SPINDOC: variants seen among roughly 807,000 people sequenced by gnomAD.
SPINDOC encodes spindlin interactor and repressor of chromatin binding.
A neutral mutation model predicts 30.7 loss-of-function variants in SPINDOC; 13 were observed. That is an observed-to-expected ratio of 0.42 (90% CI 0.28 to 0.67). The LOEUF is 0.67. Ranked by LOEUF, SPINDOC falls within the 30% of genes least tolerant of loss-of-function variation. SPINDOC has a pLI of 0.22. For missense variants in SPINDOC, 438 were observed against 518.0 expected (o/e 0.85, Z 1.50); for synonymous variants, 228 against 211.4 (o/e 1.08, Z -0.68).
intron 5 of SPINDOC, among the ~76,000 whole-genome samples, chr11:63,823,878 G>C (rs1454077539): frequency 6.7e-6 from 1 of 148,738 alleles, no homozygotes; most frequent in Non-Finnish European, 1.5e-5. Context: ...GATTACAGGC[G>C]TGAGCCACTG....
chr11:63,820,367 C>T (rs1453535345), intron 5 of SPINDOC, among the ~76,000 whole-genome samples: 18 of 143,280 alleles, frequency 1.3e-4, no homozygotes, highest in African/African-American at 3.2e-4. Context: ...CACTGCACTC[C>T]AGCCTGGGCA....
chr11:63,823,167 A>C, intron 5 of SPINDOC: 1 of 1,288,988 alleles, frequency 7.8e-7, no homozygotes, highest in Non-Finnish European at 1.0e-6. Flanking sequence ...ATCTTTAAAA[A>C]CCAGGGGCCC....
At chr11:63,821,065 A>T (rs2015507631) in intron 5 of SPINDOC, among the ~76,000 whole-genome samples, 1 of 151,980 alleles carries the variant, frequency 6.6e-6, no homozygotes, top group African/African-American at 2.4e-5. Context: ...ACAAAACAAA[A>T]CCCAAATTTA....
At chr11:63,825,617 G>A (rs2015637387) in intron 5 of SPINDOC, among the ~76,000 whole-genome samples, 1 of 152,170 alleles carries the variant, frequency 6.6e-6, no homozygotes. Flanking sequence ...TGGGCATATA[G>A]TACTCAATAA....
Position 63,813,479 on chromosome 11 carries a change from C to A in SPINDOC, c.-208C>A. The A allele has an allele frequency of 5.3e-6, 1 of 188,460 alleles. No homozygotes were observed. The highest frequency in any genetic ancestry group is 9.7e-6 in the Non-Finnish European group (1 of 103,370). 11.7% of individuals were successfully genotyped at this position (188,460 alleles called of 1,614,324 possible). ...CCGGATTGAGCCCTCCCCGCCCGGG[C>A]TCCCGACGCGCCGAGGTCTCGGGGA... On this transcript the variant is annotated 5_prime_UTR_variant, in exon 1 of 6. Transcript: ENST00000294244.
Position 63,818,527 on chromosome 11 carries a change from C to G in SPINDOC, c.608C>G (p.Ala203Gly). Residue 203 changes from alanine (A) to glycine (G), a missense_variant and splice_region_variant, in exon 4 of 6, where the codon GCT becomes GGT. Around this residue, in one of 3 missense-constraint regions of SPINDOC, gnomAD observed 300 missense variants for 332.8 expected, o/e 0.90. Coordinates refer to ENST00000294244, the MANE Select transcript of SPINDOC (RefSeq NM_138471.3). This position sits in a 1 kb window ranked among gnomAD's most constrained non-coding sequence, Gnocchi z 5.3. The stretch of plus-strand genomic sequence containing the variant: ...GGTATGAGGTCTTTTCTTTTTGCAG[C>G]TGTCCCTGCCACAGAGCCAGGAAAT... ...PRGLRPLELP[A>G]VPATEPGNKK... is the part of the protein sequence containing the mutation. 1 of 1,611,134 alleles carries G rather than the reference C, an allele frequency of 6.2e-7. No homozygotes were observed. Among genetic ancestry groups the G allele is most frequent in the Non-Finnish European group, 8.5e-7 (1 of 1,179,800 alleles).
chr11:63,813,869 C>A lies in SPINDOC; in HGVS notation c.127+56C>A, dbSNP rs946073879. The A allele has an allele frequency of 2.1e-6, 3 of 1,431,446 alleles. No homozygotes were observed. In the Admixed American group the frequency reaches 7.7e-5, roughly 37 times the overall value. The allele number at this position is 1,431,446 out of a possible 1,614,324, so 88.7% of individuals were successfully genotyped here. A position where few individuals can be genotyped will look rare whatever the true frequency, so the allele number is the denominator to read the frequency against. ...CACGGTGCGGGGCCGGGGCTGGGGC[C>A]GTCCCTCCCCAGTCGGGGTCCGGGA... On this transcript the variant is annotated intron_variant, in intron 1 of 5. Transcript: ENST00000294244.
In SPINDOC at chr11:63,813,645, C is replaced by G. The variant is rs1302228468; in HGVS notation, c.-42C>G. 1 of 1,485,464 alleles carries G rather than the reference C, an allele frequency of 6.7e-7. No individual in the cohort carries two copies. Among genetic ancestry groups the G allele is most frequent in the Admixed American group, 2.4e-5 (1 of 42,482 alleles). The allele number at this position is 1,485,464 out of a possible 1,614,324, so 92.0% of individuals were successfully genotyped here. On this transcript the variant is annotated 5_prime_UTR_variant, in exon 1 of 6. Transcript: ENST00000294244. ...GTTGCCGGCTGCGCGCCGAAGCCTG[C>G]GCGCCAGTCCTCCGGCCACTGCTAT... is the stretch of plus-strand genomic sequence containing the variant.
At chr11:63,813,944 CG>C (rs2015267940) in intron 1 of SPINDOC, 131 bp downstream of exon 1, 1 of 1,207,360 alleles carries the variant, frequency 8.3e-7, no homozygotes, top group African/African-American at 1.6e-5. Context: ...GTTTCCCTCT[CG>C]GATCTGGGTC....
intron 5 of SPINDOC, among the ~76,000 whole-genome samples, chr11:63,824,650 C>T (rs1383387075): frequency 6.6e-6 from 1 of 152,022 alleles, no homozygotes; most frequent in Non-Finnish European, 1.5e-5. Context: ...CTGCTCCTTC[C>T]TGGTTCCATC....
rs369239014 is a variant in SPINDOC at position 63,818,668 on chromosome 11, G to A, written c.733+16G>A. The A allele has an allele frequency of 4.3e-5, 69 of 1,612,856 alleles. No homozygotes were observed. The highest frequency in any genetic ancestry group is 1.7e-4 in the Middle Eastern group (1 of 5,996). Reference sequence around the variant, plus strand: ...CCTGACCCAGGTGAAGGGGAGGCCCGGGGGAGGCGTGGGCTCTGGCCGCAG... The same window carrying A: ...CCTGACCCAGGTGAAGGGGAGGCCCAGGGGAGGCGTGGGCTCTGGCCGCAG... On this transcript the variant is annotated intron_variant, in intron 4 of 5. Coordinates refer to ENST00000294244, the MANE Select transcript of SPINDOC (RefSeq NM_138471.3). The surrounding 1 kb of genome is among the most constrained non-coding windows in gnomAD (Gnocchi z 5.3).
At chr11:63,824,506 C>T (rs1456893986) in intron 5 of SPINDOC, among the ~76,000 whole-genome samples, 1 of 152,128 alleles carries the variant, frequency 6.6e-6, no homozygotes, top group East Asian at 1.9e-4. Context: ...GTAGGCCCGG[C>T]TTATGTGTTT....
chr11:63,823,176 C>T, intron 5 of SPINDOC: 1 of 1,289,088 alleles, frequency 7.8e-7, no homozygotes, highest in Non-Finnish European at 1.0e-6. Flanking sequence ...AACCAGGGGC[C>T]CCCGTGGCGG....
intron 1 of SPINDOC, among the ~76,000 whole-genome samples, chr11:63,816,307 G>A (rs1442155806): frequency 1.3e-5 from 2 of 152,174 alleles, no homozygotes; most frequent in Non-Finnish European, 2.9e-5. Flanking sequence ...ACCAACAGAA[G>A]GTCATGCCCT....
At chr11:63,822,657 T>A (rs1409839687) in intron 5 of SPINDOC, 2 of 1,289,138 alleles carry the variant, frequency 1.6e-6, no homozygotes, top group Non-Finnish European at 2.0e-6. Context: ...ATTCCAGTCC[T>A]GGCTCCCTGA....
chr11:63,813,870 G>T, intron 1 of SPINDOC, 57 bp downstream of exon 1: 3 of 1,431,272 alleles, frequency 2.1e-6, no homozygotes, highest in Admixed American at 2.6e-5. Context: ...GGCTGGGGCC[G>T]TCCCTCCCCA....
rs551766050 is a variant in SPINDOC at position 63,822,755 on chromosome 11, A to G, written c.934+3753A>G. The G allele has an allele frequency of 1.7e-4, 214 of 1,288,596 alleles. No homozygotes were observed. The South Asian group carries it at 2.5e-3, about 15-fold the overall frequency. The allele number at this position is 1,288,596 out of a possible 1,614,324, so 79.8% of individuals were successfully genotyped here. ...CTGCTCTAAATGGCTGACCTCTTCCACTGTCTAATGGGTCTTCTGATTTCA... is the reference window on the plus strand; with the variant it reads ...CTGCTCTAAATGGCTGACCTCTTCCGCTGTCTAATGGGTCTTCTGATTTCA... On this transcript the variant is annotated intron_variant, in intron 5 of 5. Transcript: ENST00000294244.
rs1390031953 is a variant in SPINDOC at position 63,820,885 on chromosome 11, G to A, written c.934+1883G>A. 4.2e-4 allele frequency among the ~76,000 whole-genome samples: 12 copies of A among 28,340 alleles called. No homozygotes were observed. In the Admixed American group the frequency reaches 4.9e-3, roughly 12 times the overall value. 18.6% of individuals were successfully genotyped at this position (28,340 alleles called of 152,430 possible). On this transcript the variant is annotated intron_variant, in intron 5 of 5. Transcript: ENST00000294244. The stretch of plus-strand genomic sequence containing the variant: ...AGCCTGGGCGACAGAGCGAAACTCC[G>A]TCTCAAAAAAAAAAAAAAAAAACAA...
chr11:63,816,718 G>A (rs1453358584), intron 1 of SPINDOC, among the ~76,000 whole-genome samples: 2 of 152,186 alleles, frequency 1.3e-5, no homozygotes, highest in Admixed American at 1.3e-4. Context: ...CAGGTCTAAG[G>A]CTGCCTTCTT....
Sources: gnomAD v4.1 joint callset for allele counts (sites outside exome capture counted in the v4.1 genomes callset) on GRCh38, gnomAD v4.1.1 for gene constraint, gnomAD v4.1.1 regional missense constraint, Gnocchi (gnomAD v3.1) non-coding constraint, MANE v1.5 for transcripts, NCBI Gene and HGNC (gene_info 2026-07-23, HGNC 2026-07-21) for gene names.